HECW1: variants seen among roughly 807,000 people sequenced by gnomAD.
HECW1 encodes HECT, C2 and WW domain containing E3 ubiquitin protein ligase 1, also known as E3 ubiquitin-protein ligase HECW1.
A neutral mutation model predicts 182.3 loss-of-function variants in HECW1; 61 were observed. The observed-to-expected ratio is 0.33, with a 90% CI of 0.27 to 0.41. The LOEUF (loss-of-function observed/expected upper bound fraction) is 0.41, where lower values mean the gene tolerates loss of function less well. Ranked by LOEUF, HECW1 falls within the 10% of genes least tolerant of loss-of-function variation. The probability of loss-of-function intolerance (pLI) is 1.00; values close to 1 mark genes in which losing one functional copy is unlikely to be tolerated. For synonymous variants in HECW1, 859 were observed against 832.6 expected (o/e 1.03, Z -0.55); for missense variants, 1,739 against 2,108.9 (o/e 0.82, Z 3.44).
At chr7:43,159,422 A>G (rs943602196) in intron 2 of HECW1, among the ~76,000 whole-genome samples, 1 of 148,234 alleles carries the variant, frequency 6.7e-6, no homozygotes, top group Non-Finnish European at 1.5e-5. Context: ...TTATTTAACC[A>G]TTTATCTCAT....
At chr7:43,375,726 C>T (rs2074294892) in intron 6 of HECW1, among the ~76,000 whole-genome samples, 5 of 151,660 alleles carry the variant, frequency 3.3e-5, no homozygotes, top group Admixed American at 3.3e-4. Flanking sequence ...AACCCTGTCT[C>T]TACAAAAACT....
chr7:43,170,985 A>G (rs973372984), intron 2 of HECW1, among the ~76,000 whole-genome samples: 6 of 152,210 alleles, frequency 3.9e-5, no homozygotes, highest in Non-Finnish European at 8.8e-5. Flanking sequence ...AGCTAGAGAA[A>G]GTGACACTGT....
In HECW1 at chr7:43,201,527, A is replaced by G. The variant is rs978926119; in HGVS notation, c.-31-42348A>G. Among the ~76,000 whole-genome samples, 4 of 152,350 alleles carry G rather than the reference A, an allele frequency of 2.6e-5. No individual in the cohort carries two copies. The East Asian group carries it at 7.7e-4, about 29-fold the overall frequency. On this transcript the variant is annotated intron_variant, in intron 2 of 29. Coordinates refer to ENST00000395891, the MANE Select transcript of HECW1 (RefSeq NM_015052.5). ...ATTTTTAGGGTAATTATGATAAGAAAAACAGTAACGGAACAGCCAGTGTTC... is the reference window on the plus strand; with the variant it reads ...ATTTTTAGGGTAATTATGATAAGAAGAACAGTAACGGAACAGCCAGTGTTC...
intron 8 of HECW1, among the ~76,000 whole-genome samples, chr7:43,408,100 G>A (rs1025439381): frequency 1.3e-5 from 2 of 152,170 alleles, no homozygotes; most frequent in African/African-American, 4.8e-5. Flanking sequence ...TTGAGCAAGG[G>A]TGTCAAATCT....
chr7:43,310,358 C>G (rs1808345817), intron 3 of HECW1, among the ~76,000 whole-genome samples: 1 of 152,190 alleles, frequency 6.6e-6, no homozygotes, highest in Non-Finnish European at 1.5e-5. Flanking sequence ...GGTTTCCAGG[C>G]AACACCATGG....
At chr7:43,240,707 C>T (rs1798799111) in intron 2 of HECW1, among the ~76,000 whole-genome samples, 2 of 152,196 alleles carry the variant, frequency 1.3e-5, no homozygotes, top group South Asian at 2.1e-4. Flanking sequence ...GGTGTCACTG[C>T]CAGTCAGCGT....
At chr7:43,196,655 T>C (rs781557098) in intron 2 of HECW1, among the ~76,000 whole-genome samples, 7 of 152,186 alleles carry the variant, frequency 4.6e-5, no homozygotes, top group Admixed American at 2.6e-4. Flanking sequence ...GAGCGGGAGA[T>C]GGGCCGGGCT....
intron 3 of HECW1, among the ~76,000 whole-genome samples, chr7:43,301,105 G>A (rs1806712915): frequency 6.6e-6 from 1 of 152,114 alleles, no homozygotes; most frequent in Non-Finnish European, 1.5e-5. Context: ...CAAAACCTCC[G>A]TGGCCCCCCA....
intron 5 of HECW1, among the ~76,000 whole-genome samples, chr7:43,336,089 CTCT>C (rs762144611): frequency 1.2e-4 from 17 of 141,492 alleles, no homozygotes; most frequent in Admixed American, 3.6e-4. Context: ...TTCTTTCTTT[CTCT>C]TTCTTTCTTT....
intron 3 of HECW1, among the ~76,000 whole-genome samples, chr7:43,306,085 C>T (rs1584409905): frequency 1.3e-5 from 2 of 152,042 alleles, no homozygotes; most frequent in African/African-American, 4.8e-5. Flanking sequence ...GTAGTAGAGA[C>T]GAGGTTTCGC....
At chr7:43,212,435 A>T (rs1328921009) in intron 2 of HECW1, among the ~76,000 whole-genome samples, 1 of 152,184 alleles carries the variant, frequency 6.6e-6, no homozygotes, top group Non-Finnish European at 1.5e-5. Context: ...ACTTTTTAAA[A>T]TATATAAATT....
At chr7:43,204,539 A>C (rs943249063) in intron 2 of HECW1, among the ~76,000 whole-genome samples, 1 of 152,230 alleles carries the variant, frequency 6.6e-6, no homozygotes, top group African/African-American at 2.4e-5. Context: ...CAAGACAGGC[A>C]TGGCCATGCC....
chr7:43,123,703 G>C (rs554866674), intron 2 of HECW1, among the ~76,000 whole-genome samples: 1 of 152,176 alleles, frequency 6.6e-6, no homozygotes, highest in African/African-American at 2.4e-5. Context: ...ATGAGGCCAG[G>C]GTGGCAGATG....
intron 2 of HECW1, among the ~76,000 whole-genome samples, chr7:43,180,674 C>T (rs1562639931): frequency 6.6e-6 from 1 of 152,170 alleles, no homozygotes; most frequent in Non-Finnish European, 1.5e-5. Context: ...GGATTACGGG[C>T]GTGAGCCACC....
At chr7:43,157,933 C>T (rs1350773294) in intron 2 of HECW1, among the ~76,000 whole-genome samples, 1 of 152,182 alleles carries the variant, frequency 6.6e-6, no homozygotes, top group African/African-American at 2.4e-5. Context: ...CCTTAGACAG[C>T]TCTGGTCTGA....
At chr7:43,264,752 G>A (rs533593037) in intron 3 of HECW1, among the ~76,000 whole-genome samples, 2 of 151,350 alleles carry the variant, frequency 1.3e-5, no homozygotes, top group South Asian at 4.2e-4. Context: ...GCTGAGGCAG[G>A]AGAATGGCGT....
intron 2 of HECW1, among the ~76,000 whole-genome samples, chr7:43,122,820 C>T (rs1234384147): frequency 6.6e-6 from 1 of 152,120 alleles, no homozygotes; most frequent in Non-Finnish European, 1.5e-5. Flanking sequence ...TATCTATACA[C>T]AAATATGTAT....
At chr7:43,174,039 C>CT (rs1791969358) in intron 2 of HECW1, among the ~76,000 whole-genome samples, 1 of 152,006 alleles carries the variant, frequency 6.6e-6, no homozygotes, top group Admixed American at 6.6e-5. Context: ...CAATGTCTTG[C>CT]TTTTTTGGCC....
intron 24 of HECW1, among the ~76,000 whole-genome samples, chr7:43,516,112 T>C (rs2080134782): frequency 6.6e-6 from 1 of 152,224 alleles, no homozygotes; most frequent in East Asian, 1.9e-4. Context: ...ATTGACTGAA[T>C]TTATCACTAT....
Sources: gnomAD v4.1 joint callset for allele counts (sites outside exome capture counted in the v4.1 genomes callset) on GRCh38, gnomAD v4.1.1 for gene constraint, MANE v1.5 for transcripts, NCBI Gene and HGNC (gene_info 2026-07-23, HGNC 2026-07-21) for gene names.